The following PKD1L1 variants were observed in gnomAD, a reference collection of about 807,000 sequenced individuals.
The protein encoded by PKD1L1 is polycystin-1-like protein 1.
PKD1L1 carries 236 observed loss-of-function variants against 323.4 expected under a neutral mutation model. The ratio of observed to expected loss-of-function variants is 0.73; its 90% CI spans 0.66 to 0.81. PKD1L1 has a LOEUF of 0.81. Among genes scored for constraint, PKD1L1 ranks in the 40% least tolerant of loss-of-function variants. PKD1L1 has a pLI of 0.00. For missense variants in PKD1L1, 3,320 were observed against 3,508.0 expected, an observed-to-expected ratio of 0.95 and a Z score of 1.35; for synonymous variants, 1,344 against 1,335.0, an observed-to-expected ratio of 1.01 and a Z score of -0.15.
At chr7:47,837,958 A>G (rs1192061385) in intron 36 of PKD1L1, among the ~76,000 whole-genome samples, 4 of 152,230 alleles carry the variant, frequency 2.6e-5, no homozygotes, top group Admixed American at 1.3e-4. Context: ...CGCAGCACAC[A>G]CAAGTGCTCA....
chr7:47,951,454 G>A (rs1463957407), upstream of PKD1L1, among the ~76,000 whole-genome samples: 1 of 152,170 alleles, frequency 6.6e-6, no homozygotes, highest in Non-Finnish European at 1.5e-5. Flanking sequence ...AGTTCACTTA[G>A]TCAACCCCTG....
At chr7:47,879,104 T>C (rs4720622) in intron 21 of PKD1L1, among the ~76,000 whole-genome samples, 54,950 of 152,172 alleles carry the variant, frequency 0.36, 11,250 homozygotes, top group African/African-American at 0.56. Context: ...CCAGGGCTAG[T>C]TGTTAAATGC....
At chr7:47,817,110 GC>G (rs1785035749) in intron 46 of PKD1L1, among the ~76,000 whole-genome samples, 1 of 152,088 alleles carries the variant, frequency 6.6e-6, no homozygotes, top group Admixed American at 6.6e-5. Flanking sequence ...GATGGTACGC[GC>G]CTGTAATCCC....
At chr7:47,792,222 G>A (rs1452514823) in intron 56 of PKD1L1, among the ~76,000 whole-genome samples, 1 of 152,134 alleles carries the variant, frequency 6.6e-6, no homozygotes, top group Non-Finnish European at 1.5e-5. Context: ...TCTTGGAAAT[G>A]GTAGCATCCT....
Position 47,877,476 on chromosome 7 carries a change from G to T in PKD1L1, c.3663+13C>A, listed in dbSNP as rs1043749999. 2 of 1,613,144 alleles carry T rather than the reference G, an allele frequency of 1.2e-6. No individual in the cohort carries two copies. The highest frequency in any genetic ancestry group is 2.7e-5 in the African/African-American group (2 of 74,868). On this transcript the variant is annotated intron_variant, in intron 22 of 56. Transcript: ENST00000289672. ...GGGGGTCTCTCAGGACAGACATGGG[G>T]TTGTCCACGTACCGGTTTTCCAGAC...
At chr7:47,828,656 A>G (rs1785282928) in intron 44 of PKD1L1, among the ~76,000 whole-genome samples, 1 of 151,838 alleles carries the variant, frequency 6.6e-6, no homozygotes, top group Admixed American at 6.6e-5. Flanking sequence ...GATGTAAAAC[A>G]GCATAATGAC....
intron 56 of PKD1L1, among the ~76,000 whole-genome samples, chr7:47,779,220 T>C (rs1786635465): frequency 6.6e-6 from 1 of 152,200 alleles, no homozygotes; most frequent in African/African-American, 2.4e-5. Flanking sequence ...GTCAGATGGC[T>C]GCATGTTTTT....
chr7:47,790,118 T>G (rs144662428), intron 56 of PKD1L1, among the ~76,000 whole-genome samples: 1,998 of 152,150 alleles, frequency 0.013, 44 homozygotes, highest in African/African-American at 0.046. Context: ...CTCGATCTCC[T>G]GACCTTGTGA....
chr7:47,916,606 G>A (rs1787433586), intron 7 of PKD1L1, among the ~76,000 whole-genome samples: 2 of 152,190 alleles, frequency 1.3e-5, no homozygotes, highest in East Asian at 3.8e-4. Flanking sequence ...CAAATACTGT[G>A]CTGGTATACT....
Position 47,800,808 on chromosome 7 carries a change from T to C in PKD1L1, c.8034A>G (p.Pro2678=). 1.2e-6 allele frequency: 2 copies of C among 1,614,012 alleles called. No individual in the cohort carries two copies. The highest frequency in any genetic ancestry group is 1.7e-6 in the Non-Finnish European group (2 of 1,180,012). The change falls in exon 54 of 57, where the codon CCA becomes CCG. Residue 2678 remains proline, a synonymous_variant. Coordinates refer to ENST00000289672, the MANE Select transcript of PKD1L1 (RefSeq NM_138295.5). Reference sequence around the variant, plus strand: ...GGAAGGCGTCTGTGAAGGTGCCAGGTGGTAGAACCCACATAGAGAGCAGAA... The same window carrying C: ...GGAAGGCGTCTGTGAAGGTGCCAGGCGGTAGAACCCACATAGAGAGCAGAA... ...HRFLLSMWVL[P]PGTFTDAFPG...
At chr7:47,910,425 C>A (rs535886815) in intron 8 of PKD1L1, among the ~76,000 whole-genome samples, 35 of 151,076 alleles carry the variant, frequency 2.3e-4, no homozygotes, top group Admixed American at 1.7e-3. Context: ...AGCTCTGCCT[C>A]CCAGGTTCAC....
intron 40 of PKD1L1, among the ~76,000 whole-genome samples, chr7:47,834,010 C>T (rs370479975): frequency 2.0e-5 from 3 of 152,212 alleles, no homozygotes; most frequent in African/African-American, 7.2e-5. Flanking sequence ...ACGGTCCTGC[C>T]GGTATTTACT....
At chr7:47,944,728 T>C (rs939023544) in intron 1 of PKD1L1, among the ~76,000 whole-genome samples, 1 of 152,268 alleles carries the variant, frequency 6.6e-6, no homozygotes, top group Middle Eastern at 3.4e-3. Context: ...TGTCTGCTGC[T>C]CTCATGTTTG....
chr7:47,829,340 T>G, intron 44 of PKD1L1, 85 bp downstream of exon 44: 1 of 1,328,716 alleles, frequency 7.5e-7, no homozygotes, highest in Non-Finnish European at 1.0e-6. Flanking sequence ...CAATCTGAAT[T>G]CAAAGCCTAC....
Position 47,835,108 on chromosome 7 carries a change from G to T in PKD1L1, c.6054+25C>A. ...ATGAAGGGGCTGCTCAGGAGAACAGGGCCATGAGGACAAGTCGCAGGTACC... is the reference window on the plus strand; with the variant it reads ...ATGAAGGGGCTGCTCAGGAGAACAGTGCCATGAGGACAAGTCGCAGGTACC... On this transcript the variant is annotated intron_variant, in intron 38 of 56. Transcript: ENST00000289672. 1.9e-6 allele frequency: 3 copies of T among 1,602,408 alleles called. No homozygotes were observed. The African/African-American group carries it at 4.0e-5, about 22-fold the overall frequency.
At chr7:47,867,370 CACA>C (rs1338578915) in intron 24 of PKD1L1, among the ~76,000 whole-genome samples, 2 of 152,110 alleles carry the variant, frequency 1.3e-5, no homozygotes, top group Non-Finnish European at 2.9e-5. Flanking sequence ...TCACTGGCTG[CACA>C]ACGAGGGGAA....
intron 45 of PKD1L1, among the ~76,000 whole-genome samples, chr7:47,821,515 T>C (rs754891753): frequency 1.4e-4 from 22 of 152,108 alleles, no homozygotes; most frequent in Non-Finnish European, 1.5e-5. Context: ...GTGATCCACC[T>C]GCCTCAGCCT....
rs545657280 is a variant in PKD1L1 at position 47,860,108 on chromosome 7, T to C, written c.4150-1223A>G. Reference sequence around the variant, plus strand: ...AGCAAAAAGCAAATCTCAGGTATTATTTTTATCCATGAACACTTTAGTGTG... The same window carrying C: ...AGCAAAAAGCAAATCTCAGGTATTACTTTTATCCATGAACACTTTAGTGTG... On this transcript the variant is annotated intron_variant, in intron 26 of 56. Coordinates refer to ENST00000289672, the MANE Select transcript of PKD1L1 (RefSeq NM_138295.5). Among the ~76,000 whole-genome samples, 76 of 152,358 alleles carry C rather than the reference T, an allele frequency of 5.0e-4. 1 individual carries two copies. The South Asian group carries it at 0.015, about 30-fold the overall frequency.
chr7:47,858,948 T>C (rs575285035), intron 26 of PKD1L1, 63 bp from the exon 27 acceptor site: 3 of 1,565,076 alleles, frequency 1.9e-6, no homozygotes, highest in Non-Finnish European at 2.6e-6. Context: ...CCCGGGTGTA[T>C]TTGAGGATGA....
Sources: allele counts gnomAD v4.1 joint callset (sites outside exome capture counted in the v4.1 genomes callset), GRCh38; gene constraint gnomAD v4.1.1; transcripts MANE v1.5; gene names NCBI Gene and HGNC (gene_info 2026-07-23, HGNC 2026-07-21).